The following DOCK5 variants were observed in gnomAD, a reference collection of about 807,000 sequenced individuals.
DOCK5 encodes dedicator of cytokinesis 5.
In DOCK5, 142 loss-of-function variants were observed where a neutral mutation model predicts 251.8. That is an observed-to-expected ratio of 0.56 (90% CI 0.49 to 0.65). The LOEUF (loss-of-function observed/expected upper bound fraction) is 0.65. Among genes scored for constraint, DOCK5 ranks in the 30% least tolerant of loss-of-function variants. The probability of loss-of-function intolerance (pLI) is 0.00; values close to 1 mark genes in which losing one functional copy is unlikely to be tolerated. For missense variants in DOCK5, 2,111 were observed against 2,312.3 expected (o/e 0.91, Z 1.79); for synonymous variants, 842 against 835.5 (o/e 1.01, Z -0.13).
chr8:25,316,512 C>T (rs1805255684), intron 13 of DOCK5, among the ~76,000 whole-genome samples: 1 of 152,088 alleles, frequency 6.6e-6, no homozygotes, highest in Non-Finnish European at 1.5e-5. Flanking sequence ...TATAGGCTTT[C>T]AGAAAGAGTG....
At chr8:25,387,855 C>G (rs1341949666) in intron 40 of DOCK5, among the ~76,000 whole-genome samples, 1 of 152,202 alleles carries the variant, frequency 6.6e-6, no homozygotes. Context: ...GAAGCCTTCT[C>G]TTTCCAGTCG....
intron 28 of DOCK5, among the ~76,000 whole-genome samples, chr8:25,359,500 G>T (rs183607931): frequency 6.6e-6 from 1 of 152,206 alleles, no homozygotes; most frequent in Admixed American, 6.5e-5. Context: ...CAACTGGTCC[G>T]TGTGGCCTGT....
At chr8:25,360,898 C>A (rs1160760293) in intron 28 of DOCK5, among the ~76,000 whole-genome samples, 1 of 152,112 alleles carries the variant, frequency 6.6e-6, no homozygotes, top group Non-Finnish European at 1.5e-5. Context: ...CTCCTGTTTG[C>A]CAGCATGGTG....
chr8:25,345,918 C>T (rs554100458), intron 26 of DOCK5, among the ~76,000 whole-genome samples: 5 of 152,074 alleles, frequency 3.3e-5, no homozygotes, highest in East Asian at 2.0e-4. Context: ...GGCGCGATCT[C>T]GGCTCACTGC....
intron 18 of DOCK5, among the ~76,000 whole-genome samples, chr8:25,328,498 T>C (rs1805614871): frequency 6.6e-6 from 1 of 152,182 alleles, no homozygotes; most frequent in South Asian, 2.1e-4. Context: ...ATGAATTTGA[T>C]TTAATAAAAA....
intron 1 of DOCK5, among the ~76,000 whole-genome samples, chr8:25,239,341 A>ATATG (rs1554521928): frequency 2.8e-5 from 4 of 142,204 alleles, no homozygotes; most frequent in Non-Finnish European, 6.1e-5. Flanking sequence ...GTGTGTGTGT[A>ATATG]TGTGTGTGTG....
chr8:25,299,664 A>AG (rs1391720265), intron 8 of DOCK5, among the ~76,000 whole-genome samples: 2 of 152,182 alleles, frequency 1.3e-5, no homozygotes, highest in East Asian at 3.8e-4. Context: ...CTCTATTTTC[A>AG]GCTCAACTTT....
At chr8:25,378,599 G>C (rs116679534) in intron 38 of DOCK5, among the ~76,000 whole-genome samples, 1 of 152,168 alleles carries the variant, frequency 6.6e-6, no homozygotes, top group African/African-American at 2.4e-5. Context: ...AATAGTATCC[G>C]TCTAAGAGAC....
In DOCK5 at chr8:25,246,704, T is replaced by TTGTGTGTG. The variant is rs55963570; in HGVS notation, c.127+2992_127+2999dup. ...GGTAATTCTTCACTGCCATGTTAGT[T>TTGTGTGTG]TGTGTGTGTGTGTGTGTGTGTGTGT... On this transcript the variant is annotated intron_variant, in intron 2 of 51. Coordinates refer to ENST00000276440, the MANE Select transcript of DOCK5 (RefSeq NM_024940.8). 5.5e-3 allele frequency among the ~76,000 whole-genome samples: 495 copies of TTGTGTGTG among 89,566 alleles called. 4 individuals carry two copies. The highest frequency in any genetic ancestry group is 0.014 in the African/African-American group (342 of 25,222). The allele number at this position is 89,566 out of a possible 152,430, so 58.8% of individuals were successfully genotyped here.
intron 47 of DOCK5, among the ~76,000 whole-genome samples, chr8:25,401,546 A>G (rs921933490): frequency 2.4e-4 from 37 of 152,284 alleles, no homozygotes; most frequent in African/African-American, 7.7e-4. Context: ...CAGCCTGGCC[A>G]ACATGGTGAA....
At chr8:25,383,645 A>G (rs1447661821) in intron 40 of DOCK5, among the ~76,000 whole-genome samples, 1 of 152,198 alleles carries the variant, frequency 6.6e-6, no homozygotes, top group Non-Finnish European at 1.5e-5. Context: ...ACTTGACGTC[A>G]GGGGTTCGAG....
chr8:25,350,462 T>C (rs371873509), intron 26 of DOCK5, among the ~76,000 whole-genome samples: 2 of 152,208 alleles, frequency 1.3e-5, no homozygotes, highest in African/African-American at 4.8e-5. Context: ...AAACTGTTAC[T>C]GTCCCCCTTT....
At chr8:25,363,497 A>G (rs1800724953) in intron 29 of DOCK5, among the ~76,000 whole-genome samples, 1 of 152,204 alleles carries the variant, frequency 6.6e-6, no homozygotes, top group Non-Finnish European at 1.5e-5. Context: ...TCCATGATGT[A>G]TTTAACCAGA....
chr8:25,402,448 C>T lies in DOCK5; in HGVS notation c.4927-1110C>T, dbSNP rs901630387. 1.5e-4 allele frequency among the ~76,000 whole-genome samples: 23 copies of T among 152,184 alleles called. 1 individual carries two copies. Among genetic ancestry groups the T allele is most frequent in the Non-Finnish European group, 3.4e-4 (23 of 68,036 alleles). ...AGTAGCTGGGACTACATGTGCCCGCCACCATGCCCAGCTATTTTTTTGCAT... is the reference window on the plus strand; with the variant it reads ...AGTAGCTGGGACTACATGTGCCCGCTACCATGCCCAGCTATTTTTTTGCAT... On this transcript the variant is annotated intron_variant, in intron 47 of 51. Coordinates refer to ENST00000276440, the MANE Select transcript of DOCK5 (RefSeq NM_024940.8).
intron 3 of DOCK5, among the ~76,000 whole-genome samples, chr8:25,269,235 A>G (rs1803842772): frequency 6.6e-6 from 1 of 152,164 alleles, no homozygotes; most frequent in Non-Finnish European, 1.5e-5. Flanking sequence ...CTTTACTTCC[A>G]ATGCTACAAT....
At chr8:25,194,662 C>T (rs953164101) in intron 1 of DOCK5, among the ~76,000 whole-genome samples, 1 of 152,124 alleles carries the variant, frequency 6.6e-6, no homozygotes, top group African/African-American at 2.4e-5. Context: ...CACTGGGCGT[C>T]TCCCAGTGTT....
intron 48 of DOCK5, among the ~76,000 whole-genome samples, chr8:25,405,530 A>G (rs1801508267): frequency 6.6e-6 from 1 of 151,896 alleles, no homozygotes; most frequent in African/African-American, 2.4e-5. Context: ...CTGTCTATTC[A>G]TGTATCAGTA....
intron 24 of DOCK5, 107 bp downstream of exon 24, chr8:25,341,916 T>A: frequency 1.2e-6 from 1 of 865,334 alleles, no homozygotes; most frequent in Non-Finnish European, 1.8e-6. Context: ...TAAGAAGTAT[T>A]AACTGAATAC....
At chr8:25,192,162 A>G (rs1304664851) in intron 1 of DOCK5, among the ~76,000 whole-genome samples, 3 of 151,326 alleles carry the variant, frequency 2.0e-5, no homozygotes, top group African/African-American at 7.3e-5. Context: ...TTCTTAATCC[A>G]GTCTATCACT....
Sources: allele counts gnomAD v4.1 joint callset (sites outside exome capture counted in the v4.1 genomes callset), GRCh38; gene constraint gnomAD v4.1.1; transcripts MANE v1.5; gene names NCBI Gene and HGNC (gene_info 2026-07-23, HGNC 2026-07-21).